Variants in CDH8 observed in about 807,000 individuals in gnomAD.
CDH8 encodes cadherin 8, also known as cadherin-8.
In CDH8, 17 loss-of-function variants were observed where a neutral mutation model predicts 68.1. That is an observed-to-expected ratio of 0.25 (90% CI 0.17 to 0.37). The LOEUF (loss-of-function observed/expected upper bound fraction) is 0.37, where lower values mean the gene tolerates loss of function less well. Ranked by LOEUF, CDH8 falls within the 10% of genes least tolerant of loss-of-function variation. The pLI is 1.00. For synonymous variants in CDH8, 372 were observed against 365.1 expected (o/e 1.02, Z -0.21); for missense variants, 763 against 999.3 (o/e 0.76, Z 3.19).
chr16:61,697,962 A>T (rs1596876898), intron 10 of CDH8, among the ~76,000 whole-genome samples: 1 of 152,196 alleles, frequency 6.6e-6, no homozygotes, highest in African/African-American at 2.4e-5. Flanking sequence ...CCATTTAAAC[A>T]CTAGACTTTT....
chr16:61,680,390 C>T lies in CDH8; in HGVS notation c.1655-24669G>A, dbSNP rs564130129. Among the ~76,000 whole-genome samples the T allele has an allele frequency of 8.0e-4, 122 of 151,936 alleles. 1 individual carries two copies. The highest frequency in any genetic ancestry group is 2.9e-3 in the African/African-American group (119 of 41,500). ...ATCACCTATGATAACATGGAACATC[C>T]TACCAATGCCGATTCTAATACACGC... On this transcript the variant is annotated intron_variant, in intron 10 of 11. Transcript: ENST00000577390.
chr16:61,898,900 T>C (rs1399051210), intron 3 of CDH8, among the ~76,000 whole-genome samples: 1 of 122,582 alleles, frequency 8.2e-6, no homozygotes, highest in Non-Finnish European at 1.6e-5. Context: ...TTCATGAAAG[T>C]AATTAGTTTG....
At chr16:62,029,960 G>T (rs1902285642) in intron 1 of CDH8, among the ~76,000 whole-genome samples, 1 of 152,092 alleles carries the variant, frequency 6.6e-6, no homozygotes, top group Non-Finnish European at 1.5e-5. Context: ...CCATAATGGG[G>T]GCTTCAGAGT....
chr16:61,935,897 A>G (rs754820293), intron 2 of CDH8, among the ~76,000 whole-genome samples: 1 of 152,254 alleles, frequency 6.6e-6, no homozygotes, highest in East Asian at 1.9e-4. Context: ...AAATTCACAT[A>G]GTCATAATGC....
intron 2 of CDH8, among the ~76,000 whole-genome samples, chr16:61,964,586 G>A (rs1567548499): frequency 2.0e-5 from 3 of 151,542 alleles, no homozygotes; most frequent in Non-Finnish European, 4.4e-5. Flanking sequence ...AGGTTATTCC[G>A]GGACCTGCTG....
Position 61,982,608 on chromosome 16 carries a change from A to G in CDH8, c.252+38544T>C, listed in dbSNP as rs199528108. 1.1e-4 allele frequency among the ~76,000 whole-genome samples: 16 copies of G among 152,350 alleles called. No individual in the cohort carries two copies. In the East Asian group the frequency reaches 2.1e-3, roughly 20 times the overall value. On this transcript the variant is annotated intron_variant, in intron 2 of 11. Transcript: ENST00000577390. ...ATACCCTCTTTGAGTTGTTATAAAGATAACAATGTGTTAACTCGATAAGTT... is the reference window on the plus strand; with the variant it reads ...ATACCCTCTTTGAGTTGTTATAAAGGTAACAATGTGTTAACTCGATAAGTT...
chr16:61,725,419 G>A (rs1466375670), intron 9 of CDH8: 1 of 150,774 alleles, frequency 6.6e-6, no homozygotes, highest in African/African-American at 2.4e-5. Context: ...TTGACTCCTT[G>A]AACTTATCTG....
intron 2 of CDH8, among the ~76,000 whole-genome samples, chr16:61,902,169 T>C (rs1963986244): frequency 6.6e-6 from 1 of 152,196 alleles, no homozygotes; most frequent in Admixed American, 6.5e-5. Flanking sequence ...GAGGCCAGAA[T>C]TTAGGAGTAC....
At chr16:61,961,534 G>C (rs1345993362) in intron 2 of CDH8, among the ~76,000 whole-genome samples, 2 of 152,126 alleles carry the variant, frequency 1.3e-5, no homozygotes, top group East Asian at 3.9e-4. Context: ...GCTGCTTCTT[G>C]TCTCAGGGAA....
At chr16:62,026,559 G>A (rs1355852579) in intron 1 of CDH8, among the ~76,000 whole-genome samples, 1 of 152,180 alleles carries the variant, frequency 6.6e-6, no homozygotes, top group Non-Finnish European at 1.5e-5. Flanking sequence ...TGTGAATAAA[G>A]GACTGAACAC....
At position 61,960,360 on chromosome 16, in the gene CDH8, T is replaced by TAC. The variant is rs1201749350; in HGVS notation, c.253-58889_253-58888dup. Among the ~76,000 whole-genome samples the TAC allele has an allele frequency of 6.2e-4, 61 of 98,746 alleles. 3 individuals carry two copies. The highest frequency in any genetic ancestry group is 5.8e-3 in the Middle Eastern group (1 of 172). The allele number at this position is 98,746 out of a possible 152,430, so 64.8% of individuals were successfully genotyped here. A position where few individuals can be genotyped will look rare whatever the true frequency, so the allele number is the denominator to read the frequency against. On this transcript the variant is annotated intron_variant, in intron 2 of 11. Coordinates refer to ENST00000577390, the MANE Select transcript of CDH8 (RefSeq NM_001796.5). ...ACACATATATACATGTGTGTGTGTATACACATACATATATACATGTGTGTG... is the reference window on the plus strand; with the variant it reads ...ACACATATATACATGTGTGTGTGTATACACACATACATATATACATGTGTGTG...
At chr16:62,016,772 G>T (rs142443039) in intron 2 of CDH8, among the ~76,000 whole-genome samples, 1 of 152,206 alleles carries the variant, frequency 6.6e-6, no homozygotes, top group Non-Finnish European at 1.5e-5. Context: ...CCAGACAAAA[G>T]CTTTCTGCTC....
At chr16:61,657,930 T>C (rs1261446549) in intron 10 of CDH8, among the ~76,000 whole-genome samples, 1 of 152,062 alleles carries the variant, frequency 6.6e-6, no homozygotes. Flanking sequence ...TCTATAAATA[T>C]TTTTTTACTA....
At position 61,653,934 on chromosome 16, in the gene CDH8, T is replaced by G. The variant is rs1963385181; in HGVS notation, c.2074A>C (p.Asn692His). Residue 692 changes from asparagine (N) to histidine (H), a missense_variant, in exon 12 of 12, where the codon AAT becomes CAT. Around this residue, in one of 2 missense-constraint regions of CDH8, gnomAD observed 397 missense variants for 436.2 expected, o/e 0.91. Coordinates refer to ENST00000577390, the MANE Select transcript of CDH8 (RefSeq NM_001796.5). ...IATLQNPDGI[N>H]GFLPRKDIKP... is the part of the protein sequence containing the mutation. ...ATATCCTTACGGGGTAAAAATCCAT[T>G]AATTCCATCTGGATTTTGTAAAGTT... is the stretch of plus-strand genomic sequence containing the variant. 2 of 1,614,050 alleles carry G rather than the reference T, an allele frequency of 1.2e-6. No individual in the cohort carries two copies. Among genetic ancestry groups the G allele is most frequent in the African/African-American group, 1.3e-5 (1 of 74,914 alleles).
chr16:61,968,912 C>G (rs1290927824), intron 2 of CDH8, among the ~76,000 whole-genome samples: 1 of 152,154 alleles, frequency 6.6e-6, no homozygotes, highest in Non-Finnish European at 1.5e-5. Flanking sequence ...TCCACTGCTC[C>G]CAGAAAGGGT....
chr16:61,796,832 A>T (rs886616385), intron 7 of CDH8, among the ~76,000 whole-genome samples: 1 of 152,114 alleles, frequency 6.6e-6, no homozygotes, highest in South Asian at 2.1e-4. Flanking sequence ...ACACAAGCCA[A>T]TGTCACCAGT....
intron 8 of CDH8, among the ~76,000 whole-genome samples, chr16:61,781,380 G>C (rs1393459107): frequency 6.6e-6 from 1 of 152,084 alleles, no homozygotes; most frequent in Non-Finnish European, 1.5e-5. Context: ...ATCAGTGGAG[G>C]TGAGGAGTTA....
chr16:61,826,493 T>C (rs1038333328), intron 4 of CDH8, among the ~76,000 whole-genome samples: 1 of 151,870 alleles, frequency 6.6e-6, no homozygotes, highest in Non-Finnish European at 1.5e-5. Flanking sequence ...ATTGAATTGA[T>C]GTGTGTTACA....
chr16:61,655,954 G>A (rs1379248798), intron 10 of CDH8, among the ~76,000 whole-genome samples: 1 of 150,018 alleles, frequency 6.7e-6, no homozygotes, highest in African/African-American at 2.5e-5. Context: ...CTCACTGCAA[G>A]CTTCGCCTCC....
Sources: allele counts gnomAD v4.1 joint callset (sites outside exome capture counted in the v4.1 genomes callset), GRCh38; gene constraint gnomAD v4.1.1; regional missense constraint gnomAD v4.1.1; transcripts MANE v1.5; gene names NCBI Gene and HGNC (gene_info 2026-07-23, HGNC 2026-07-21).